The following DNAH5 variants were observed in gnomAD, a reference collection of about 807,000 sequenced individuals.
The protein encoded by DNAH5 is axonemal beta dynein heavy chain 5.
Under a neutral mutation model 518.2 loss-of-function variants are expected in DNAH5, and 372 were observed. The ratio of observed to expected loss-of-function variants is 0.72; its 90% CI spans 0.66 to 0.78. DNAH5 has a LOEUF of 0.78. DNAH5 is among the 30% of genes least tolerant of loss of function. DNAH5 has a pLI of 0.00. For missense variants in DNAH5, 5,523 were observed against 5,687.0 expected (o/e 0.97, Z 0.93); for synonymous variants, 2,039 against 2,025.9 (o/e 1.01, Z -0.17).
chr5:14,001,669 T>TC (rs1784362170), intron 1 of DNAH5, among the ~76,000 whole-genome samples: 2 of 149,898 alleles, frequency 1.3e-5, no homozygotes, highest in Non-Finnish European at 3.0e-5. Flanking sequence ...AGCCTAGTTT[T>TC]TTTCTTTTCT....
At chr5:13,952,110 C>T (rs1347588987) in intron 1 of DNAH5, among the ~76,000 whole-genome samples, 1 of 128,780 alleles carries the variant, frequency 7.8e-6, no homozygotes, top group African/African-American at 2.9e-5. Flanking sequence ...CCTCTAACAT[C>T]ACCCCATCAG....
Position 13,691,001 on chromosome 5 carries a change from T to C in DNAH5, c.*983A>G, listed in dbSNP as rs551833742. On this transcript the variant is annotated 3_prime_UTR_variant, in exon 79 of 79. Transcript: ENST00000265104. ...ACAGTGTGCTCAATATTTTGTAAAC[T>C]AAATCTTTCACTTAACAGTCTGGGT... The C allele has an allele frequency of 6.6e-6, 1 of 152,372 alleles. No individual in the cohort carries two copies. The highest frequency in any genetic ancestry group is 2.4e-5 in the African/African-American group (1 of 41,594). The allele number at this position is 152,372 out of a possible 1,614,324, so 9.4% of individuals were successfully genotyped here. A position where few individuals can be genotyped will look rare whatever the true frequency, so the allele number is the denominator to read the frequency against.
At chr5:13,754,166 T>C in intron 62 of DNAH5, 37 bp downstream of exon 62, 1 of 1,613,282 alleles carries the variant, frequency 6.2e-7, no homozygotes, top group South Asian at 1.1e-5. Context: ...CCTATCACAG[T>C]CAACACACAA....
rs564215697 is a variant in DNAH5, at chr5:13,762,727, G to A, written c.10276C>T (p.Leu3426=). The A allele has an allele frequency of 6.2e-7, 1 of 1,613,928 alleles. No individual in the cohort carries two copies. Among genetic ancestry groups the A allele is most frequent in the South Asian group, 1.1e-5 (1 of 91,076 alleles). ...FFSINKEVLP[L]KANLVVQENR... Reference sequence around the variant, plus strand: ...GGTCTGCCTAGCAGGCTTACCTTCAGAGGCAGTACTTCTTTGTTTATAGAA... The same window carrying A: ...GGTCTGCCTAGCAGGCTTACCTTCAAAGGCAGTACTTCTTTGTTTATAGAA... The change falls in exon 60 of 79, where the codon CTG becomes TTG. Residue 3426 remains leucine, a synonymous_variant. Coordinates refer to ENST00000265104, the MANE Select transcript of DNAH5 (RefSeq NM_001369.3).
chr5:13,873,227 C>G (rs1184467621), intron 22 of DNAH5, among the ~76,000 whole-genome samples: 1 of 152,128 alleles, frequency 6.6e-6, no homozygotes, highest in Non-Finnish European at 1.5e-5. Flanking sequence ...TCTATGCCTC[C>G]ACAATCTCTT....
intron 46 of DNAH5, 106 bp downstream of exon 46, chr5:13,808,938 C>A: frequency 7.1e-7 from 1 of 1,407,990 alleles, no homozygotes; most frequent in South Asian, 1.2e-5. Context: ...CCAGCCTGGG[C>A]GACAGAGTGA....
intron 78 of DNAH5, 109 bp from the exon 79 acceptor site, chr5:13,692,244 G>C: frequency 7.9e-7 from 1 of 1,263,454 alleles, no homozygotes; most frequent in Non-Finnish European, 1.1e-6. Flanking sequence ...AAACAGATGG[G>C]TTTGGCTGAA....
At chr5:13,878,257 G>A (rs112791143) in intron 21 of DNAH5, among the ~76,000 whole-genome samples, 175 of 152,258 alleles carry the variant, frequency 1.1e-3, no homozygotes, top group African/African-American at 3.8e-3. Flanking sequence ...TCTTAGCTAC[G>A]TGAAGAAAGG....
At chr5:13,842,607 A>C (rs927775119) in intron 32 of DNAH5, among the ~76,000 whole-genome samples, 3 of 152,106 alleles carry the variant, frequency 2.0e-5, no homozygotes, top group Non-Finnish European at 4.4e-5. Context: ...TAAAATCTCT[A>C]AAGTTTCTCA....
intron 29 of DNAH5, chr5:13,860,469 A>C (rs1768247770): frequency 6.6e-6 from 1 of 152,210 alleles, no homozygotes; most frequent in African/African-American, 2.4e-5. Flanking sequence ...TGGGTCTGGG[A>C]AGTGGCCCTG....
chr5:13,719,147 C>A (rs1744712754), intron 71 of DNAH5, 46 bp from the exon 72 acceptor site: 3 of 1,421,018 alleles, frequency 2.1e-6, no homozygotes, highest in Non-Finnish European at 3.0e-6. Context: ...GTATTTCACC[C>A]AAATTCTAAA....
In DNAH5 at chr5:13,775,358, G is replaced by A. The variant is rs373625238; in HGVS notation, c.9373+1081C>T. Among the ~76,000 whole-genome samples, 19 of 152,056 alleles carry A rather than the reference G, an allele frequency of 1.2e-4. No individual in the cohort carries two copies. In the South Asian group the frequency reaches 2.7e-3, roughly 22 times the overall value. On this transcript the variant is annotated intron_variant, in intron 55 of 78. Coordinates refer to ENST00000265104, the MANE Select transcript of DNAH5 (RefSeq NM_001369.3). ...AGAATAAAACTTCCCCAGTAGGTAA[G>A]AATTTGTTTTAAGAATAGGTAATTG...
intron 31 of DNAH5, among the ~76,000 whole-genome samples, chr5:13,847,638 C>T (rs1417478643): frequency 2.0e-5 from 3 of 150,966 alleles, no homozygotes; most frequent in African/African-American, 7.3e-5. Context: ...GTGGGAGAAT[C>T]ACTTGAACCT....
intron 63 of DNAH5, 51 bp downstream of exon 63, chr5:13,753,182 T>C: frequency 2.8e-6 from 4 of 1,403,684 alleles, no homozygotes; most frequent in Non-Finnish European, 4.0e-6. Flanking sequence ...TTTGTTTATC[T>C]GAGGCAATAA....
Position 13,717,413 on chromosome 5 carries a change from C to T in DNAH5, c.12607G>A (p.Ala4203Thr). 3 of 1,614,082 alleles carry T rather than the reference C, an allele frequency of 1.9e-6. No homozygotes were observed. The highest frequency in any genetic ancestry group is 1.7e-5 in the Admixed American group (1 of 60,020). The part of the protein sequence containing the change: ...STVQERRKFG[A>T]LGWNIPYEFN... ...TCGTAGGGGATATTCCACCCCAGGG[C>T]ACCGAACTTGCGCCTCTCCTGGACA... The change falls in exon 73 of 79, where the codon GCC (alanine) becomes ACC (threonine). Residue 4203 changes from alanine (A) to threonine (T), a missense_variant. By Grantham distance (58) the Ala-to-Thr change is moderately conservative (BLOSUM62 0). Around this residue, in one of 3 missense-constraint regions of DNAH5, gnomAD observed 5,121 missense variants for 5,223.3 expected, o/e 0.98. Coordinates refer to ENST00000265104, the MANE Select transcript of DNAH5 (RefSeq NM_001369.3).
chr5:13,922,642 C>T (rs1032267475), intron 4 of DNAH5, among the ~76,000 whole-genome samples: 3 of 150,362 alleles, frequency 2.0e-5, no homozygotes, highest in African/African-American at 2.5e-5. Flanking sequence ...CAGGAGAAAT[C>T]GCTTGAATCC....
rs2151883536 is a variant in DNAH5 at position 13,850,643 on chromosome 5, T to G, written c.5114+9A>C. On this transcript the variant is annotated intron_variant, in intron 31 of 78. Transcript: ENST00000265104. ...ATACCGAGAGCTTTCAAAGAGCCAG[T>G]GAACTTACCCAGTAAGGGATTTCTG... is the stretch of plus-strand genomic sequence containing the variant. The G allele has an allele frequency of 6.2e-7, 1 of 1,613,310 alleles. No homozygotes were observed. The highest frequency in any genetic ancestry group is 8.5e-7 in the Non-Finnish European group (1 of 1,179,368).
chr5:13,992,658 TACATA>T (rs113087226), intron 1 of DNAH5, among the ~76,000 whole-genome samples: 2,934 of 152,300 alleles, frequency 0.019, 89 homozygotes, highest in African/African-American at 0.067. Flanking sequence ...GAGTTGTACT[TACATA>T]ACATATTTAA....
At chr5:13,991,553 AGAG>A (rs1328729591) in intron 1 of DNAH5, among the ~76,000 whole-genome samples, 3 of 136,768 alleles carry the variant, frequency 2.2e-5, no homozygotes, top group South Asian at 2.7e-4. Flanking sequence ...GGGAGGAGGA[AGAG>A]GAGGAGGAGG....
Sources: allele counts gnomAD v4.1 joint callset (sites outside exome capture counted in the v4.1 genomes callset), GRCh38; gene constraint gnomAD v4.1.1; regional missense constraint gnomAD v4.1.1; transcripts MANE v1.5; gene names NCBI Gene and HGNC (gene_info 2026-07-23, HGNC 2026-07-21).